The following ARHGAP18 variants were observed in gnomAD, a reference collection of about 807,000 sequenced individuals.
ARHGAP18 encodes the protein Rho GTPase activating protein 18, also known as rho GTPase-activating protein 18.
Under a neutral mutation model 86.2 loss-of-function variants are expected in ARHGAP18, and 67 were observed. That is an observed-to-expected ratio of 0.78 (90% CI 0.64 to 0.95). The LOEUF is 0.95. Among genes scored for constraint, ARHGAP18 ranks in the 40% least tolerant of loss-of-function variants. The pLI, the probability that ARHGAP18 is intolerant of heterozygous loss-of-function variation, is 0.00. For missense variants in ARHGAP18, 691 were observed against 780.4 expected (o/e 0.89, Z 1.37); for synonymous variants, 283 against 280.4 (o/e 1.01, Z -0.09).
intron 10 of ARHGAP18, among the ~76,000 whole-genome samples, chr6:129,602,987 T>TA (rs1788777931): frequency 1.4e-5 from 2 of 146,784 alleles, no homozygotes; most frequent in African/African-American, 5.0e-5. Flanking sequence ...AATTTCCCCT[T>TA]TATATATATA....
intron 10 of ARHGAP18, 141 bp downstream of exon 10, chr6:129,605,736 C>A: frequency 1.4e-6 from 1 of 703,382 alleles, no homozygotes; most frequent in East Asian, 2.6e-5. Flanking sequence ...GGCTTTCACC[C>A]TCTGTCCTTA....
At chr6:129,602,119 T>G (rs1473184722) in intron 10 of ARHGAP18, among the ~76,000 whole-genome samples, 1 of 152,172 alleles carries the variant, frequency 6.6e-6, no homozygotes, top group African/African-American at 2.4e-5. Context: ...ATTTTTCTTT[T>G]GCCTTCTTCT....
At position 129,619,033 on chromosome 6, in the gene ARHGAP18, G is replaced by A. The variant is rs1030358385; in HGVS notation, c.787-181C>T. On this transcript the variant is annotated intron_variant, in intron 5 of 14. Transcript: ENST00000368149. ...CATGATGACGACCCCTAAAGCTGTG[G>A]AGGGTTCGGGAGTCAACTTCCAAAG... is the stretch of plus-strand genomic sequence containing the variant. Among the ~76,000 whole-genome samples the A allele has an allele frequency of 4.6e-5, 7 of 151,412 alleles. No homozygotes were observed. The East Asian group carries it at 9.9e-4, about 21-fold the overall frequency.
At chr6:129,650,454 G>A (rs987451209) in intron 1 of ARHGAP18, among the ~76,000 whole-genome samples, 3 of 152,142 alleles carry the variant, frequency 2.0e-5, no homozygotes, top group Admixed American at 6.5e-5. Context: ...TAGAGCTCTG[G>A]TTCTGGGTAG....
intron 12 of ARHGAP18, 34 bp downstream of exon 12, chr6:129,599,182 T>A: frequency 7.0e-7 from 1 of 1,436,974 alleles, no homozygotes. Flanking sequence ...ATACTTAAGA[T>A]CTGAATAAAT....
chr6:129,684,554 T>TG (rs1221385301), intron 1 of ARHGAP18, among the ~76,000 whole-genome samples: 1 of 152,234 alleles, frequency 6.6e-6, no homozygotes, highest in Admixed American at 6.5e-5. Context: ...CATGTTAGAA[T>TG]GCTGTGTGTT....
intron 1 of ARHGAP18, among the ~76,000 whole-genome samples, chr6:129,708,515 A>G (rs968967362): frequency 6.6e-6 from 1 of 152,130 alleles, no homozygotes; most frequent in African/African-American, 2.4e-5. Flanking sequence ...AAGGCCTAGA[A>G]CTCCAGACCT....
intron 5 of ARHGAP18, among the ~76,000 whole-genome samples, chr6:129,621,945 C>T (rs1789238092): frequency 6.6e-6 from 1 of 152,090 alleles, no homozygotes; most frequent in Non-Finnish European, 1.5e-5. Flanking sequence ...GTTTTGTAAC[C>T]ATTCTGTTCT....
chr6:129,647,673 TAAA>T (rs371133047), intron 1 of ARHGAP18, among the ~76,000 whole-genome samples: 1 of 143,950 alleles, frequency 6.9e-6, no homozygotes, highest in African/African-American at 2.5e-5. Flanking sequence ...TTTTAATGTG[TAAA>T]AAAAAAAAAG....
intron 8 of ARHGAP18, among the ~76,000 whole-genome samples, chr6:129,611,036 C>T (rs1223264067): frequency 6.6e-6 from 1 of 152,040 alleles, no homozygotes. Flanking sequence ...AGCTGGAACT[C>T]CAGGTGACCA....
At chr6:129,645,172 T>TC (rs1295300619) in intron 1 of ARHGAP18, among the ~76,000 whole-genome samples, 3 of 152,184 alleles carry the variant, frequency 2.0e-5, no homozygotes, top group Non-Finnish European at 4.4e-5. Flanking sequence ...AAGTGAACAT[T>TC]CCTTCAGTTT....
intron 10 of ARHGAP18, among the ~76,000 whole-genome samples, chr6:129,604,814 TCTC>T (rs1189602581): frequency 2.0e-5 from 3 of 152,198 alleles, no homozygotes; most frequent in Non-Finnish European, 4.4e-5. Flanking sequence ...CTTTGGAAGT[TCTC>T]CTGTAGCGGA....
Position 129,701,728 on chromosome 6 carries a change from C to T in ARHGAP18, c.113+8296G>A, listed in dbSNP as rs148181198. ...GAGGTTGCAGTGGGCTGAGATCATG[C>T]CACTGCACTCCAGCCTGGGTGACAG... is the stretch of plus-strand genomic sequence containing the variant. On this transcript the variant is annotated intron_variant, in intron 1 of 14. Coordinates refer to ENST00000368149, the MANE Select transcript of ARHGAP18 (RefSeq NM_033515.3). Among the ~76,000 whole-genome samples the T allele has an allele frequency of 3.6e-3, 541 of 152,150 alleles. 1 individual carries two copies. Among genetic ancestry groups the T allele is most frequent in the African/African-American group, 0.013 (526 of 41,498 alleles).
At chr6:129,651,014 CTA>C (rs1050988845) in intron 1 of ARHGAP18, among the ~76,000 whole-genome samples, 5 of 152,134 alleles carry the variant, frequency 3.3e-5, no homozygotes, top group Admixed American at 6.5e-5. Flanking sequence ...GGGCAAGAAT[CTA>C]TGTTTCTTTT....
intron 1 of ARHGAP18, among the ~76,000 whole-genome samples, chr6:129,698,976 A>C (rs1774668034): frequency 6.6e-6 from 1 of 151,976 alleles, no homozygotes; most frequent in Non-Finnish European, 1.5e-5. Flanking sequence ...TACAGGCATG[A>C]GCCACACGCC....
intron 1 of ARHGAP18, among the ~76,000 whole-genome samples, chr6:129,649,882 G>A (rs62421093): frequency 0.18 from 27,381 of 149,868 alleles, 2,828 homozygotes; most frequent in Non-Finnish European, 0.22. Context: ...TTATCGTTGC[G>A]GCTTTCACTC....
intron 5 of ARHGAP18, 79 bp downstream of exon 5, chr6:129,629,272 CGT>C (rs1242911810): frequency 7.0e-5 from 76 of 1,090,176 alleles, no homozygotes; most frequent in Middle Eastern, 3.1e-4. Flanking sequence ...TGTGTGTGTG[CGT>C]GTGTGTGTAT....
chr6:129,618,680 T>C lies in ARHGAP18; in HGVS notation c.952+7A>G. ...ATAAATCCAAGGGTTTATCATTTCATGATTACCTTTTGTTTTGATTTTCAC... is the reference window on the plus strand; with the variant it reads ...ATAAATCCAAGGGTTTATCATTTCACGATTACCTTTTGTTTTGATTTTCAC... On this transcript the variant is annotated splice_region_variant and intron_variant, in intron 6 of 14. Transcript: ENST00000368149. 1 of 1,598,614 alleles carries C rather than the reference T, an allele frequency of 6.3e-7. No individual in the cohort carries two copies. Among genetic ancestry groups the C allele is most frequent in the Non-Finnish European group, 8.5e-7 (1 of 1,171,484 alleles).
At chr6:129,611,632 T>C (rs763684884) in intron 7 of ARHGAP18, 22 bp from the exon 8 acceptor site, 1 of 1,605,540 alleles carries the variant, frequency 6.2e-7, no homozygotes, top group Non-Finnish European at 8.5e-7. Context: ...CAGAGAAACA[T>C]TCTAATTTCC....
Sources: allele counts gnomAD v4.1 joint callset (sites outside exome capture counted in the v4.1 genomes callset), GRCh38; gene constraint gnomAD v4.1.1; transcripts MANE v1.5; gene names NCBI Gene and HGNC (gene_info 2026-07-23, HGNC 2026-07-21).